SLC35D4: variants seen among roughly 807,000 people sequenced by gnomAD.
SLC35D4 encodes the protein UDP-N-acetylglucosamine transporter SLC35D4.
chr18:23,371,926 G>GTTTTTTTTTTTTTTTT, the SLC35D4 span, among the ~76,000 whole-genome samples: 16 of 11,858 alleles, frequency 1.3e-3, 3 homozygotes, highest in African/African-American at 4.0e-3. Context: ...TTTCTTCCTT[G>GTTTTTTTTTTTTTTTT]TTTTTTTTGT....
the SLC35D4 span, among the ~76,000 whole-genome samples, chr18:23,392,488 T>G: frequency 6.6e-6 from 1 of 152,236 alleles, no homozygotes. Context: ...GACTGCCTTC[T>G]TTCCCAGCCT....
chr18:23,395,598 A>G, the SLC35D4 span, among the ~76,000 whole-genome samples: 1 of 152,218 alleles, frequency 6.6e-6, no homozygotes, highest in Non-Finnish European at 1.5e-5. Flanking sequence ...CTTGAGCCAA[A>G]TTGCCAATGC....
the SLC35D4 span, among the ~76,000 whole-genome samples, chr18:23,359,623 C>A: frequency 2.0e-4 from 31 of 152,116 alleles, no homozygotes; most frequent in African/African-American, 7.5e-4. Context: ...AGAAAATTTC[C>A]TCTCATGTTC....
the SLC35D4 span, among the ~76,000 whole-genome samples, chr18:23,387,500 G>A: frequency 6.6e-6 from 1 of 152,180 alleles, no homozygotes; most frequent in African/African-American, 2.4e-5. Context: ...CCCGCCCTCA[G>A]CAGCCTCTGC....
chr18:23,285,608 C>A, the SLC35D4 span, among the ~76,000 whole-genome samples: 1 of 152,090 alleles, frequency 6.6e-6, no homozygotes, highest in Non-Finnish European at 1.5e-5. Context: ...TGTCCCAAAT[C>A]TTCCTTCTTT....
chr18:23,332,996 A>C, the SLC35D4 span, among the ~76,000 whole-genome samples: 1,597 of 152,322 alleles, frequency 0.01, 25 homozygotes, highest in African/African-American at 0.037. Flanking sequence ...ACAGCCGGTT[A>C]TAAGATAGGA....
chr18:23,246,532 C>T, the SLC35D4 span, among the ~76,000 whole-genome samples: 1 of 151,816 alleles, frequency 6.6e-6, no homozygotes, highest in South Asian at 2.1e-4. Flanking sequence ...GCTGGGACTA[C>T]AGGCACCCGC....
chr18:23,365,736 AT>A, the SLC35D4 span: 1 of 1,578,140 alleles, frequency 6.3e-7, no homozygotes, highest in Non-Finnish European at 8.6e-7. Context: ...GTTCCCACAC[AT>A]TTTACTTGGA....
the SLC35D4 span, among the ~76,000 whole-genome samples, chr18:23,364,627 G>A: frequency 2.6e-5 from 4 of 152,080 alleles, no homozygotes; most frequent in African/African-American, 9.7e-5. Context: ...ACTCCTGGCC[G>A]GGCGCAGTGG....
At chr18:23,267,878 C>CT in the SLC35D4 span, among the ~76,000 whole-genome samples, 23 of 152,340 alleles carry the variant, frequency 1.5e-4, no homozygotes, top group African/African-American at 5.5e-4. Context: ...CAGAGTCCCC[C>CT]TCTCAGCACA....
the SLC35D4 span, among the ~76,000 whole-genome samples, chr18:23,350,796 C>T: frequency 1.3e-5 from 2 of 152,138 alleles, no homozygotes; most frequent in African/African-American, 2.4e-5. Context: ...CTGGTTTTCA[C>T]AGCCTCGCCT....
chr18:23,267,326 A>G, the SLC35D4 span, among the ~76,000 whole-genome samples: 9 of 152,076 alleles, frequency 5.9e-5, no homozygotes, highest in Non-Finnish European at 1.3e-4. Context: ...CAGGGTGTCT[A>G]TGACACACTG....
At chr18:23,290,790 C>A in the SLC35D4 span, among the ~76,000 whole-genome samples, 29 of 137,258 alleles carry the variant, frequency 2.1e-4, no homozygotes, top group Non-Finnish European at 2.8e-4. Context: ...CCACACCCTG[C>A]TAATTTTTTT....
At chr18:23,267,300 G>A in the SLC35D4 span, among the ~76,000 whole-genome samples, 1 of 152,102 alleles carries the variant, frequency 6.6e-6, no homozygotes, top group Non-Finnish European at 1.5e-5. Context: ...CACCACTGGG[G>A]GTTGCAGGTG....
At chr18:23,247,100 A>AT in the SLC35D4 span, among the ~76,000 whole-genome samples, 3 of 152,224 alleles carry the variant, frequency 2.0e-5, no homozygotes, top group Non-Finnish European at 4.4e-5. Flanking sequence ...GGGCTGTGGT[A>AT]ATCCCACTGC....
the SLC35D4 span, among the ~76,000 whole-genome samples, chr18:23,295,807 G>A: frequency 5.3e-5 from 8 of 152,156 alleles, no homozygotes; most frequent in Non-Finnish European, 1.0e-4. Context: ...CCATGGGCAG[G>A]GGGTCTCCAT....
chr18:23,407,139 A>T, the SLC35D4 span, among the ~76,000 whole-genome samples: 1 of 152,248 alleles, frequency 6.6e-6, no homozygotes, highest in Admixed American at 6.5e-5. Flanking sequence ...TGGTCAGGCA[A>T]AACCGGATCC....
the SLC35D4 span, among the ~76,000 whole-genome samples, chr18:23,380,268 A>G: frequency 7.9e-5 from 12 of 152,032 alleles, no homozygotes; most frequent in African/African-American, 9.7e-5. Context: ...CATTGGTTCT[A>G]TGTTAGAGAG....
the SLC35D4 span, chr18:23,365,783 C>T: frequency 9.1e-7 from 1 of 1,103,996 alleles, no homozygotes; most frequent in Non-Finnish European, 1.3e-6. Context: ...ATTATCTGCA[C>T]TGACTCACTC....
Sources: gnomAD v4.1 joint callset for allele counts (sites outside exome capture counted in the v4.1 genomes callset) on GRCh38, gnomAD v4.1.1 for gene constraint, MANE v1.5 for transcripts, NCBI Gene and HGNC (gene_info 2026-07-23, HGNC 2026-07-21) for gene names.